The following CNTNAP1 variants were observed in gnomAD, a reference collection of about 807,000 sequenced individuals.
CNTNAP1 encodes the protein contactin-associated protein 1.
CNTNAP1 carries 80 observed loss-of-function variants against 161.5 expected under a neutral mutation model. The observed-to-expected ratio is 0.50, with a 90% confidence interval of 0.41 to 0.60. CNTNAP1 has a LOEUF of 0.60. Ranked by LOEUF, CNTNAP1 falls within the 20% of genes least tolerant of loss-of-function variation. The probability of loss-of-function intolerance (pLI) is 0.00; values close to 1 mark genes in which losing one functional copy is unlikely to be tolerated. For missense variants in CNTNAP1, 1,464 were observed against 1,854.8 expected, an observed-to-expected ratio of 0.79 and a Z score of 3.87; for synonymous variants, 695 against 733.1, an observed-to-expected ratio of 0.95 and a Z score of 0.84.
Position 42,685,174 on chromosome 17 carries a change from A to G in CNTNAP1, c.511+36A>G, listed in dbSNP as rs1173628463. ...AGAGAGCGCGGAGGGGGCCTGGGAG[A>G]CAGCCTCCCCAGTTCCCGGCCCACC... On this transcript the variant is annotated intron_variant, in intron 4 of 23. Transcript: ENST00000264638. This position sits in a 1 kb window ranked among gnomAD's most constrained non-coding sequence, Gnocchi z 5.0. 1 of 1,609,708 alleles carries G rather than the reference A, an allele frequency of 6.2e-7. No individual in the cohort carries two copies. The highest frequency in any genetic ancestry group is 8.5e-7 in the Non-Finnish European group (1 of 1,177,486).
At chr17:42,683,174 G>T in intron 1 of CNTNAP1, 1 of 579,684 alleles carries the variant, frequency 1.7e-6, no homozygotes, top group Non-Finnish European at 3.0e-6. Flanking sequence ...CTGGGTTTGA[G>T]GCTAGGGCTG....
Position 42,692,373 on chromosome 17 carries a change from AC to A in CNTNAP1, c.2531-125del, listed in dbSNP as rs993760642. 5.0e-6 allele frequency: 4 copies of A among 794,902 alleles called. No individual in the cohort carries two copies. The African/African-American group carries it at 6.9e-5, about 14-fold the overall frequency. 49.2% of individuals were successfully genotyped at this position (794,902 alleles called of 1,614,324 possible). On this transcript the variant is annotated intron_variant, in intron 16 of 23. Coordinates refer to ENST00000264638, the MANE Select transcript of CNTNAP1 (RefSeq NM_003632.3). ...TGGTAAGTTTCAATGCAAGCTACAG[AC>A]AAATTGGAGGGATATTCAAGAAGCT...
Position 42,689,712 on chromosome 17 carries a change from C to T in CNTNAP1, c.1735+85C>T, listed in dbSNP as rs572868209. On this transcript the variant is annotated intron_variant, in intron 11 of 23. Coordinates refer to ENST00000264638, the MANE Select transcript of CNTNAP1 (RefSeq NM_003632.3). ...GGGATCATCAGGCTGCTAGAGATGG[C>T]GAGGATGGCCCTTCCAGCCCTCTCG... is the stretch of plus-strand genomic sequence containing the variant. 3.7e-5 allele frequency: 41 copies of T among 1,101,136 alleles called. No homozygotes were observed. In the Middle Eastern group the frequency reaches 6.0e-4, roughly 16 times the overall value. The allele number at this position is 1,101,136 out of a possible 1,614,324, so 68.2% of individuals were successfully genotyped here.
chr17:42,692,924 T>C (rs1446960290), intron 17 of CNTNAP1, among the ~76,000 whole-genome samples: 1 of 151,926 alleles, frequency 6.6e-6, no homozygotes, highest in Non-Finnish European at 1.5e-5. Context: ...CTACAATACT[T>C]CATCCTGTCT....
In CNTNAP1 at chr17:42,688,322, C is replaced by T. The variant is rs114287901; in HGVS notation, c.1307-140C>T. On this transcript the variant is annotated intron_variant, in intron 8 of 23. Transcript: ENST00000264638. ...ATGAAGAGACATTCAGAGAGGTCTCCACTGGGTGTGAGAAGTGTAATCACG... is the reference window on the plus strand; with the variant it reads ...ATGAAGAGACATTCAGAGAGGTCTCTACTGGGTGTGAGAAGTGTAATCACG... The T allele has an allele frequency of 2.6e-4, 291 of 1,124,178 alleles. No homozygotes were observed. The African/African-American group carries it at 3.9e-3, about 15-fold the overall frequency. The allele number at this position is 1,124,178 out of a possible 1,614,324, so 69.6% of individuals were successfully genotyped here.
At chr17:42,694,068 C>T (rs2053124928) in intron 18 of CNTNAP1, among the ~76,000 whole-genome samples, 1 of 152,114 alleles carries the variant, frequency 6.6e-6, no homozygotes, top group Non-Finnish European at 1.5e-5. Context: ...ACCACATTGG[C>T]CAGGCTGGTC....
rs141352323 is a variant in CNTNAP1, at chr17:42,691,507, C to A, written c.2340C>A (p.Gly780=). ...TCCTGAGGCCTCTGCGCTGCTATGG[C>A]GATCGTGAGTGGCAGTCCCCTTTTG... The part of the protein sequence containing the change: ...QFFLRPLRCY[G]DRNSWNTISF... The change falls in exon 15 of 24, where the codon GGC becomes GGA. Residue 780 remains glycine, a synonymous_variant. Transcript: ENST00000264638. This position sits in a 1 kb window ranked among gnomAD's most constrained non-coding sequence, Gnocchi z 4.3. 4.6e-3 allele frequency: 7,366 copies of A among 1,613,900 alleles called. 19 individuals are homozygous for A. Among genetic ancestry groups the A allele is most frequent in the Non-Finnish European group, 5.8e-3 (6,803 of 1,179,934 alleles).
Position 42,685,212 on chromosome 17 carries a change from C to A in CNTNAP1, c.512-5C>A, listed in dbSNP as rs2052989859. On this transcript the variant is annotated splice_region_variant and splice_polypyrimidine_tract_variant and intron_variant, in intron 4 of 23. Transcript: ENST00000264638. This position sits in a 1 kb window ranked among gnomAD's most constrained non-coding sequence, Gnocchi z 5.0. ...TTCCCGGCCCACCTACGGTCCTTTG[C>A]GCAGAGGCCGACATACTCTATTTCG... 2 of 1,613,500 alleles carry A rather than the reference C, an allele frequency of 1.2e-6. No individual in the cohort carries two copies. Among genetic ancestry groups the A allele is most frequent in the Non-Finnish European group, 1.7e-6 (2 of 1,180,002 alleles).
Position 42,682,563 on chromosome 17 carries a change from G to T in CNTNAP1, c.-267G>T. The T allele has an allele frequency of 1.9e-6, 1 of 518,016 alleles. No individual in the cohort carries two copies. The highest frequency in any genetic ancestry group is 3.4e-6 in the Non-Finnish European group (1 of 291,488). 32.1% of individuals were successfully genotyped at this position (518,016 alleles called of 1,614,324 possible). On this transcript the variant is annotated 5_prime_UTR_variant, in exon 1 of 24. Transcript: ENST00000264638. ...GCGCGTGCCAGGAGACAGAGGCTGG[G>T]GAAGGGGGGAGGTGAGAGGAAAGAG... is the stretch of plus-strand genomic sequence containing the variant.
chr17:42,694,610 G>T (rs561427736), intron 18 of CNTNAP1, among the ~76,000 whole-genome samples: 1 of 148,568 alleles, frequency 6.7e-6, no homozygotes, highest in African/African-American at 2.5e-5. Context: ...AGCCTGGGGG[G>T]CACAGCAAGG....
intron 17 of CNTNAP1, among the ~76,000 whole-genome samples, 195 bp from the exon 18 acceptor site, chr17:42,693,102 G>T (rs964929098): frequency 1.3e-5 from 2 of 151,926 alleles, no homozygotes; most frequent in African/African-American, 2.4e-5. Flanking sequence ...GACTACAGGC[G>T]CCCGCCACCG....
At chr17:42,690,236 G>C in intron 12 of CNTNAP1, 29 bp downstream of exon 12, 1 of 1,613,056 alleles carries the variant, frequency 6.2e-7, no homozygotes, top group African/African-American at 1.3e-5. Flanking sequence ...TGGTGAGGGG[G>C]TGAGGGGAGA....
intron 1 of CNTNAP1, chr17:42,683,212 AC>A (rs1567968643): frequency 2.0e-6 from 1 of 508,464 alleles, no homozygotes; most frequent in African/African-American, 2.1e-5. Flanking sequence ...GGTGACCGAT[AC>A]TAGGATTAAG....
At chr17:42,688,694 G>C in intron 9 of CNTNAP1, 83 bp downstream of exon 9, 1 of 1,588,624 alleles carries the variant, frequency 6.3e-7, no homozygotes, top group Non-Finnish European at 8.6e-7. Flanking sequence ...GCCACATGGA[G>C]AATTTTGGAG....
rs1297922985 is a variant in CNTNAP1 at position 42,698,847 on chromosome 17, C to A, written c.4092C>A (p.Ala1364=). ...ASAPAPAPTP[A]PAPGPRDQNL... ...CCCCAGCCCCAGCCCCAACTCCAGCCCCAGCCCCTGGCCCCCGGGATCAGA... is the reference window on the plus strand; with the variant it reads ...CCCCAGCCCCAGCCCCAACTCCAGCACCAGCCCCTGGCCCCCGGGATCAGA... Residue 1364 remains alanine, a synonymous_variant, in exon 24 of 24, where the codon GCC becomes GCA. Transcript: ENST00000264638. 1.3e-6 allele frequency: 2 copies of A among 1,595,402 alleles called. No homozygotes were observed. The highest frequency in any genetic ancestry group is 1.3e-5 in the African/African-American group (1 of 74,562).
rs1258934034 is a variant in CNTNAP1, at chr17:42,683,654, G to C, written c.68-167G>C. 2.8e-6 allele frequency: 4 copies of C among 1,435,664 alleles called. No individual in the cohort carries two copies. The African/African-American group carries it at 5.7e-5, about 21-fold the overall frequency. 88.9% of individuals were successfully genotyped at this position (1,435,664 alleles called of 1,614,324 possible). On this transcript the variant is annotated intron_variant, in intron 1 of 23. Coordinates refer to ENST00000264638, the MANE Select transcript of CNTNAP1 (RefSeq NM_003632.3). The stretch of plus-strand genomic sequence containing the variant: ...GGTAGCCTCCTCTGAGCATGCAGCT[G>C]TTGCTGCAGCCAGGATTGAATAGAT...
At chr17:42,695,380 A>T (rs968548954) in intron 18 of CNTNAP1, 141 bp from the exon 19 acceptor site, 1 of 679,844 alleles carries the variant, frequency 1.5e-6, no homozygotes, top group African/African-American at 1.8e-5. Context: ...GAGGGGCTCA[A>T]GGGGACCTAA....
In CNTNAP1 at chr17:42,690,021, C is replaced by T. The variant is rs530372563; in HGVS notation, c.1736-67C>T. On this transcript the variant is annotated intron_variant, in intron 11 of 23. Transcript: ENST00000264638. ...TCCCAAAGTGCTGGGATTACAGGCC[C>T]GAGCCGCCGCACCTGGCCAGCCCTC... The T allele has an allele frequency of 5.2e-5, 83 of 1,586,242 alleles. No homozygotes were observed. In the African/African-American group the frequency reaches 6.6e-4, roughly 13 times the overall value.
Position 42,691,975 on chromosome 17 carries a change from G to A in CNTNAP1, c.2514G>A (p.Val838=). ...ACTGCCAGTGGCGCCGACCTTATGT[G>A]CGGGTGGAACTCAACAGTGAGCAGG... is the stretch of plus-strand genomic sequence containing the variant. ...GPYCQWRRPY[V]RVELNTSRDV... Residue 838 remains valine (V), a synonymous_variant, in exon 16 of 24, where the codon GTG becomes GTA. Coordinates refer to ENST00000264638, the MANE Select transcript of CNTNAP1 (RefSeq NM_003632.3). The surrounding 1 kb of genome is among the most constrained non-coding windows in gnomAD (Gnocchi z 4.3). 6.2e-7 allele frequency: 1 copy of A among 1,614,066 alleles called. No individual in the cohort carries two copies. Among genetic ancestry groups the A allele is most frequent in the Non-Finnish European group, 8.5e-7 (1 of 1,179,964 alleles).
Sources: allele counts gnomAD v4.1 joint callset (sites outside exome capture counted in the v4.1 genomes callset), GRCh38; gene constraint gnomAD v4.1.1; non-coding constraint Gnocchi (gnomAD v3.1); transcripts MANE v1.5; gene names NCBI Gene and HGNC (gene_info 2026-07-23, HGNC 2026-07-21).